LMOD1: variants seen among roughly 807,000 people sequenced by gnomAD.
The protein encoded by LMOD1 is leiomodin 1, also known as leiomodin-1.
In LMOD1, 8 loss-of-function variants were observed where a neutral mutation model predicts 36.5. That is an observed-to-expected ratio of 0.22 (90% CI 0.13 to 0.40). The LOEUF is 0.40. Ranked by LOEUF, LMOD1 falls within the 10% of genes least tolerant of loss-of-function variation. The pLI is 1.00. For missense variants in LMOD1, 630 were observed against 751.1 expected, an observed-to-expected ratio of 0.84 and a Z score of 1.88; for synonymous variants, 284 against 288.7, an observed-to-expected ratio of 0.98 and a Z score of 0.17.
chr1:201,940,587 CTT>C (rs1256274142), intron 1 of LMOD1, among the ~76,000 whole-genome samples: 37 of 121,958 alleles, frequency 3.0e-4, no homozygotes, highest in Admixed American at 3.3e-4. Context: ...TGCTCAAAGT[CTT>C]TTTTTTTTTT....
intron 1 of LMOD1, among the ~76,000 whole-genome samples, chr1:201,921,052 C>G (rs1461353937): frequency 6.6e-6 from 1 of 151,978 alleles, no homozygotes; most frequent in Non-Finnish European, 1.5e-5. Flanking sequence ...GAGGATGACT[C>G]CCTGATTTCC....
At chr1:201,943,010 C>G (rs542633386) in intron 1 of LMOD1, among the ~76,000 whole-genome samples, 28 of 152,226 alleles carry the variant, frequency 1.8e-4, no homozygotes, top group African/African-American at 6.3e-4. Context: ...TTCCCTAATC[C>G]ACACTTAGTT....
chr1:201,924,968 A>C (rs10800797), intron 1 of LMOD1, among the ~76,000 whole-genome samples: 31,831 of 152,096 alleles, frequency 0.21, 3,785 homozygotes, highest in East Asian at 0.43. Context: ...TAGTCCCAGC[A>C]CTTTGGGAGG....
At position 201,897,773 on chromosome 1, in the gene LMOD1, C is replaced by T. The variant is rs1410995409; in HGVS notation, c.*599G>A. ...TCAAGTCCAGCTGCTGTCTGTCCCA[C>T]TCCTCCTGTCTGGAGCCTACTCCCA... On this transcript the variant is annotated 3_prime_UTR_variant, in exon 3 of 3. Coordinates refer to ENST00000367288, the MANE Select transcript of LMOD1 (RefSeq NM_012134.3). 4 of 152,922 alleles carry T rather than the reference C, an allele frequency of 2.6e-5. No homozygotes were observed. The highest frequency in any genetic ancestry group is 9.6e-5 in the African/African-American group (4 of 41,468). 9.5% of individuals were successfully genotyped at this position (152,922 alleles called of 1,614,324 possible). A position where few individuals can be genotyped will look rare whatever the true frequency, so the allele number is the denominator to read the frequency against.
intron 1 of LMOD1, among the ~76,000 whole-genome samples, chr1:201,903,698 G>A (rs971920868): frequency 3.9e-5 from 6 of 152,130 alleles, no homozygotes; most frequent in African/African-American, 1.4e-4. Context: ...GCTTGGAGGT[G>A]AGAGCTGGAG....
chr1:201,908,940 A>G (rs1017489921), intron 1 of LMOD1, among the ~76,000 whole-genome samples: 2 of 152,170 alleles, frequency 1.3e-5, no homozygotes, highest in African/African-American at 4.8e-5. Context: ...TCCGCACCCA[A>G]TAAACCTGAC....
Position 201,900,200 on chromosome 1 carries a change from G to A in LMOD1, c.813C>T (p.Val271=), listed in dbSNP as rs1681273093. The A allele has an allele frequency of 6.2e-7, 1 of 1,613,666 alleles. No homozygotes were observed. ...TTTCATGTAAGGGTTCATTCTTCTTGACTTTTTCATCGTCCTTTTTGGTGT... is the reference window on the plus strand; with the variant it reads ...TTTCATGTAAGGGTTCATTCTTCTTAACTTTTTCATCGTCCTTTTTGGTGT... ...NTDTKKDDEK[V]KKNEPLHEKE... is the part of the protein sequence containing the mutation. The change falls in exon 2 of 3, where the codon GTC becomes GTT. Residue 271 remains valine, a synonymous_variant. Transcript: ENST00000367288.
At chr1:201,943,695 A>C (rs1004926595) in intron 1 of LMOD1, among the ~76,000 whole-genome samples, 1 of 152,190 alleles carries the variant, frequency 6.6e-6, no homozygotes, top group African/African-American at 2.4e-5. Flanking sequence ...CTTGACTCAG[A>C]TGAAGTAATA....
intron 1 of LMOD1, among the ~76,000 whole-genome samples, chr1:201,927,503 T>C (rs1681847602): frequency 6.6e-6 from 1 of 151,386 alleles, no homozygotes; most frequent in Admixed American, 6.6e-5. Context: ...AAGGCAGAGG[T>C]TGCAGTGAGC....
At chr1:201,911,558 G>A (rs141402056) in intron 1 of LMOD1, among the ~76,000 whole-genome samples, 3,301 of 152,172 alleles carry the variant, frequency 0.022, 125 homozygotes, top group African/African-American at 0.075. Context: ...CCAGCTACCC[G>A]GGAGGCTGAA....
At chr1:201,941,313 A>G (rs1315004514) in intron 1 of LMOD1, among the ~76,000 whole-genome samples, 1 of 152,208 alleles carries the variant, frequency 6.6e-6, no homozygotes, top group Admixed American at 6.5e-5. Context: ...AACAATATTT[A>G]AAACAAACAC....
At position 201,899,989 on chromosome 1, in the gene LMOD1, A is replaced by C. The variant is rs761991639; in HGVS notation, c.1024T>G (p.Cys342Gly). Residue 342 changes from cysteine (C) to glycine (G), a missense_variant, in exon 2 of 3, where the codon TGC (cysteine) becomes GGC (glycine). Transcript: ENST00000367288. The surrounding 1 kb of genome is among the most constrained non-coding windows in gnomAD (Gnocchi z 6.3). ...CGGACCAAGATCTCATTTGTGATGC[A>C]GTCTGAGTTGTTGACGTTCACCTCA... is the stretch of plus-strand genomic sequence containing the variant. ...MTEVNVNNSD[C>G]ITNEILVRFT... is the part of the protein sequence containing the mutation. The C allele has an allele frequency of 1.2e-6, 2 of 1,613,850 alleles. No homozygotes were observed.
intron 1 of LMOD1, among the ~76,000 whole-genome samples, chr1:201,916,050 T>C (rs1211765781): frequency 1.3e-5 from 2 of 152,042 alleles, no homozygotes. Flanking sequence ...CCTAGGTAGC[T>C]GCTACTACAG....
In LMOD1 at chr1:201,946,465, T is replaced by C; in HGVS notation, c.-125A>G. 1 of 952,896 alleles carries C rather than the reference T, an allele frequency of 1.0e-6. No individual in the cohort carries two copies. Among genetic ancestry groups the C allele is most frequent in the South Asian group, 1.6e-5 (1 of 61,718 alleles). The allele number at this position is 952,896 out of a possible 1,614,324, so 59.0% of individuals were successfully genotyped here. A position where few individuals can be genotyped will look rare whatever the true frequency, so the allele number is the denominator to read the frequency against. On this transcript the variant is annotated 5_prime_UTR_variant, in exon 1 of 3. Coordinates refer to ENST00000367288, the MANE Select transcript of LMOD1 (RefSeq NM_012134.3). ...AGCAAACCTCCTGCTGGTCGAGGAC[T>C]GCAGCTCCTTGGCCCTTCTGTGCTA... is the stretch of plus-strand genomic sequence containing the variant.
At chr1:201,920,595 G>A (rs1362680707) in intron 1 of LMOD1, among the ~76,000 whole-genome samples, 2 of 152,162 alleles carry the variant, frequency 1.3e-5, no homozygotes, top group South Asian at 2.1e-4. Flanking sequence ...CAATTAGGAG[G>A]TGGGTCTGGA....
chr1:201,910,271 CG>C (rs993829952), intron 1 of LMOD1, among the ~76,000 whole-genome samples: 2 of 120,116 alleles, frequency 1.7e-5, no homozygotes, highest in Admixed American at 1.8e-4. Flanking sequence ...GTTTCCTATA[CG>C]CATTTTTTTT....
At chr1:201,908,483 C>T (rs1477153742) in intron 1 of LMOD1, among the ~76,000 whole-genome samples, 1 of 152,198 alleles carries the variant, frequency 6.6e-6, no homozygotes, top group African/African-American at 2.4e-5. Flanking sequence ...AGGGCTTATA[C>T]ACAAAAACCC....
At chr1:201,937,055 C>G (rs2102930082) in intron 1 of LMOD1, among the ~76,000 whole-genome samples, 1 of 152,316 alleles carries the variant, frequency 6.6e-6, no homozygotes, top group African/African-American at 2.4e-5. Context: ...TGACATTACT[C>G]TTTTTTAGAA....
intron 1 of LMOD1, among the ~76,000 whole-genome samples, chr1:201,914,854 C>T (rs891252349): frequency 6.6e-6 from 1 of 151,986 alleles, no homozygotes; most frequent in Non-Finnish European, 1.5e-5. Flanking sequence ...TCCCACCACC[C>T]TTTAAACCTG....
Sources: gnomAD v4.1 joint callset for allele counts (sites outside exome capture counted in the v4.1 genomes callset) on GRCh38, gnomAD v4.1.1 for gene constraint, Gnocchi (gnomAD v3.1) non-coding constraint, MANE v1.5 for transcripts, NCBI Gene and HGNC (gene_info 2026-07-23, HGNC 2026-07-21) for gene names.